Variants in SCFD2 observed in about 807,000 individuals in gnomAD.
The protein encoded by SCFD2 is sec1 family domain-containing protein 2.
Under a neutral mutation model 58.9 loss-of-function variants are expected in SCFD2, and 54 were observed. The ratio of observed to expected loss-of-function variants is 0.92; its 90% CI spans 0.74 to 1.15. The LOEUF (loss-of-function observed/expected upper bound fraction) is 1.15, where lower values mean the gene tolerates loss of function less well. SCFD2 is among the 50% of genes most tolerant of loss of function. The pLI is 0.00. For synonymous variants in SCFD2, 321 were observed against 335.9 expected (o/e 0.96, Z 0.49); for missense variants, 805 against 836.6 (o/e 0.96, Z 0.47).
intron 4 of SCFD2, among the ~76,000 whole-genome samples, chr4:53,228,024 T>C (rs990272022): frequency 2.6e-5 from 4 of 152,200 alleles, no homozygotes; most frequent in Non-Finnish European, 5.9e-5. Context: ...CCACCACTTA[T>C]AAACTATGTA....
intron 2 of SCFD2, among the ~76,000 whole-genome samples, chr4:53,347,195 A>C (rs946525380): frequency 6.6e-6 from 1 of 152,192 alleles, no homozygotes; most frequent in African/African-American, 2.4e-5. Flanking sequence ...GTTTTTACTA[A>C]GCCAATGACA....
intron 4 of SCFD2, among the ~76,000 whole-genome samples, chr4:53,206,528 A>G (rs1728411399): frequency 6.6e-6 from 1 of 152,142 alleles, no homozygotes; most frequent in African/African-American, 2.4e-5. Context: ...ATTGTAAGTT[A>G]TAGAAGGTGA....
intron 7 of SCFD2, among the ~76,000 whole-genome samples, chr4:52,888,325 A>C (rs932653627): frequency 1.3e-5 from 2 of 152,142 alleles, no homozygotes; most frequent in African/African-American, 4.8e-5. Flanking sequence ...GGACTGGGGG[A>C]CTATCTAATG....
intron 5 of SCFD2, among the ~76,000 whole-genome samples, chr4:53,091,560 C>T (rs572467901): frequency 2.6e-4 from 39 of 152,190 alleles, no homozygotes; most frequent in African/African-American, 8.9e-4. Flanking sequence ...GGGATATCTA[C>T]ATAAATCTTA....
At chr4:53,207,259 A>C (rs1317876542) in intron 4 of SCFD2, among the ~76,000 whole-genome samples, 2 of 150,428 alleles carry the variant, frequency 1.3e-5, no homozygotes, top group Non-Finnish European at 3.0e-5. Flanking sequence ...CTTTTGGGGG[A>C]CACATTCAAA....
intron 5 of SCFD2, among the ~76,000 whole-genome samples, chr4:53,111,338 T>C (rs748042980): frequency 6.6e-6 from 1 of 151,862 alleles, no homozygotes; most frequent in Non-Finnish European, 1.5e-5. Flanking sequence ...AATATAATCA[T>C]AAAAAAAGAA....
At chr4:53,087,975 G>A (rs1724361920) in intron 5 of SCFD2, among the ~76,000 whole-genome samples, 1 of 152,088 alleles carries the variant, frequency 6.6e-6, no homozygotes, top group Admixed American at 6.5e-5. Context: ...CTATTTCTAA[G>A]AGAAGTGTTG....
At chr4:52,951,703 T>A (rs1368074812) in intron 5 of SCFD2, among the ~76,000 whole-genome samples, 1 of 152,160 alleles carries the variant, frequency 6.6e-6, no homozygotes, top group Non-Finnish European at 1.5e-5. Flanking sequence ...CCAGCTCAGC[T>A]CTTCTTTCCC....
intron 5 of SCFD2, among the ~76,000 whole-genome samples, chr4:52,987,531 C>G (rs1721524585): frequency 6.6e-6 from 1 of 152,164 alleles, no homozygotes; most frequent in Non-Finnish European, 1.5e-5. Context: ...AGAGTACAGA[C>G]TCCTCTGGAG....
chr4:53,088,657 A>G (rs1274110181), intron 5 of SCFD2, among the ~76,000 whole-genome samples: 1 of 152,032 alleles, frequency 6.6e-6, no homozygotes, highest in African/African-American at 2.4e-5. Flanking sequence ...CTAGGGAGCA[A>G]TTTGCCTCAA....
chr4:53,102,828 A>T (rs1724867846), intron 5 of SCFD2, among the ~76,000 whole-genome samples: 1 of 151,872 alleles, frequency 6.6e-6, no homozygotes. Context: ...AAATATAGGA[A>T]CCAGCTTGCA....
At position 53,163,035 on chromosome 4, in the gene SCFD2, T is replaced by C. The variant is rs144252964; in HGVS notation, c.1312-17453A>G. On this transcript the variant is annotated intron_variant, in intron 4 of 8. Transcript: ENST00000401642. ...ATGAGAGTGACCAGCAACAGAGAAA[T>C]TCTATTGGGTAACAAAGCACCATTC... Among the ~76,000 whole-genome samples the C allele has an allele frequency of 9.2e-3, 1,395 of 152,094 alleles. 14 individuals are homozygous for C. The highest frequency in any genetic ancestry group is 0.031 in the Middle Eastern group (9 of 294).
At chr4:53,253,481 A>C (rs1469122913) in intron 4 of SCFD2, among the ~76,000 whole-genome samples, 1 of 152,164 alleles carries the variant, frequency 6.6e-6, no homozygotes, top group African/African-American at 2.4e-5. Context: ...AAAGACTTGA[A>C]ACCATCCCAA....
At chr4:53,131,510 T>C (rs760112318) in intron 5 of SCFD2, among the ~76,000 whole-genome samples, 6 of 152,144 alleles carry the variant, frequency 3.9e-5, no homozygotes, top group Non-Finnish European at 8.8e-5. Flanking sequence ...CAGATAGTAC[T>C]GAGGAAGAGC....
intron 3 of SCFD2, among the ~76,000 whole-genome samples, chr4:53,295,718 T>A (rs755236613): frequency 2.0e-5 from 3 of 152,222 alleles, no homozygotes; most frequent in Non-Finnish European, 2.9e-5. Flanking sequence ...TTGTGTTGGC[T>A]TTCAAAGGAA....
intron 5 of SCFD2, among the ~76,000 whole-genome samples, chr4:53,022,803 T>A (rs540814178): frequency 6.6e-6 from 1 of 152,182 alleles, no homozygotes; most frequent in African/African-American, 2.4e-5. Flanking sequence ...TAAGTAACAA[T>A]AACAAAATAA....
At chr4:53,157,429 A>T (rs1485201483) in intron 4 of SCFD2, among the ~76,000 whole-genome samples, 1 of 152,230 alleles carries the variant, frequency 6.6e-6, no homozygotes, top group African/African-American at 2.4e-5. Flanking sequence ...CATCTAAAAA[A>T]GCCATCACAA....
At chr4:52,988,790 T>C (rs916001501) in intron 5 of SCFD2, among the ~76,000 whole-genome samples, 1 of 152,204 alleles carries the variant, frequency 6.6e-6, no homozygotes, top group African/African-American at 2.4e-5. Flanking sequence ...ATACAACCAC[T>C]CTAGCAAGCT....
chr4:52,891,895 C>A (rs1718887122), intron 7 of SCFD2, among the ~76,000 whole-genome samples: 1 of 152,212 alleles, frequency 6.6e-6, no homozygotes, highest in South Asian at 2.1e-4. Context: ...CCTTGGAGGG[C>A]TCCTCTTGCT....
Sources: allele counts gnomAD v4.1 joint callset (sites outside exome capture counted in the v4.1 genomes callset), GRCh38; gene constraint gnomAD v4.1.1; transcripts MANE v1.5; gene names NCBI Gene and HGNC (gene_info 2026-07-23, HGNC 2026-07-21).